TMEM232: variants seen among roughly 807,000 people sequenced by gnomAD.
TMEM232 encodes the protein transmembrane protein 232.
Under a neutral mutation model 78.8 loss-of-function variants are expected in TMEM232, and 80 were observed. That is an observed-to-expected ratio of 1.01 (90% CI 0.85 to 1.22). The LOEUF (loss-of-function observed/expected upper bound fraction) is 1.22, where lower values mean the gene tolerates loss of function less well. TMEM232 is among the 50% of genes most tolerant of loss of function. The probability of loss-of-function intolerance (pLI) is 0.00; values close to 1 mark genes in which losing one functional copy is unlikely to be tolerated. For synonymous variants in TMEM232, 297 were observed against 254.3 expected (o/e 1.17, Z -1.60); for missense variants, 881 against 742.2 (o/e 1.19, Z -2.17).
chr5:110,562,880 C>T (rs550708239), intron 11 of TMEM232, among the ~76,000 whole-genome samples: 1 of 151,948 alleles, frequency 6.6e-6, no homozygotes, highest in Admixed American at 6.6e-5. Context: ...AGGTTAAATA[C>T]TTCATCATTT....
intron 1 of TMEM232, among the ~76,000 whole-genome samples, chr5:110,670,767 C>T (rs754516388): frequency 6.6e-6 from 1 of 152,056 alleles, no homozygotes; most frequent in Non-Finnish European, 1.5e-5. Flanking sequence ...AACAACATCA[C>T]TGGGCATTTC....
At chr5:110,708,448 A>G (rs1200811013) in intron 1 of TMEM232, among the ~76,000 whole-genome samples, 1 of 152,212 alleles carries the variant, frequency 6.6e-6, no homozygotes, top group Non-Finnish European at 1.5e-5. Context: ...TCAGAATATT[A>G]TAGCATTGTA....
At chr5:110,451,912 A>T (rs311732) in intron 12 of TMEM232, among the ~76,000 whole-genome samples, 1 of 152,060 alleles carries the variant, frequency 6.6e-6, no homozygotes. Flanking sequence ...ATAGTTCACC[A>T]ATTTATTTAA....
At chr5:110,475,864 C>T (rs192154434) in intron 12 of TMEM232, among the ~76,000 whole-genome samples, 3 of 151,918 alleles carry the variant, frequency 2.0e-5, no homozygotes, top group African/African-American at 4.8e-5. Context: ...CACACAGGGC[C>T]GGAAAAATCA....
chr5:110,730,800 T>C (rs1798608806), upstream of TMEM232, among the ~76,000 whole-genome samples: 1 of 152,118 alleles, frequency 6.6e-6, no homozygotes, highest in Non-Finnish European at 1.5e-5. Context: ...CAAGTTAAGA[T>C]TTGGGTGGAG....
intron 2 of TMEM232, among the ~76,000 whole-genome samples, chr5:110,660,392 T>A (rs942829767): frequency 6.6e-6 from 1 of 152,054 alleles, no homozygotes; most frequent in East Asian, 1.9e-4. Flanking sequence ...AAACAAAACC[T>A]GGTATTTTTG....
intron 10 of TMEM232, among the ~76,000 whole-genome samples, chr5:110,591,061 T>C (rs1240756796): frequency 6.6e-6 from 1 of 152,160 alleles, no homozygotes; most frequent in African/African-American, 2.4e-5. Flanking sequence ...AGCTAAACCA[T>C]ATCAGGAGTC....
At chr5:110,536,488 G>A (rs1457840170) in intron 11 of TMEM232, among the ~76,000 whole-genome samples, 1 of 152,138 alleles carries the variant, frequency 6.6e-6, no homozygotes, top group Non-Finnish European at 1.5e-5. Flanking sequence ...AATTGGCAGT[G>A]GTACAGGGTG....
chr5:110,543,936 C>T (rs781769176), intron 11 of TMEM232, among the ~76,000 whole-genome samples: 14 of 152,158 alleles, frequency 9.2e-5, no homozygotes, highest in Non-Finnish European at 1.6e-4. Flanking sequence ...TATTAAGAGA[C>T]TTGAATGCCA....
intron 2 of TMEM232, among the ~76,000 whole-genome samples, chr5:110,657,427 C>G (rs912642121): frequency 2.4e-4 from 36 of 150,940 alleles, no homozygotes; most frequent in Non-Finnish European, 4.6e-4. Context: ...ACTATAAAGC[C>G]ATAAAACAGA....
At chr5:110,552,082 G>T (rs1230718404) in intron 11 of TMEM232, among the ~76,000 whole-genome samples, 3 of 152,020 alleles carry the variant, frequency 2.0e-5, no homozygotes, top group Non-Finnish European at 4.4e-5. Context: ...ATATATTTTG[G>T]CTTGTCTAAA....
intron 12 of TMEM232, among the ~76,000 whole-genome samples, chr5:110,476,732 A>T (rs1763296272): frequency 1.3e-5 from 2 of 152,042 alleles, no homozygotes; most frequent in African/African-American, 4.8e-5. Context: ...CATTTCCCAG[A>T]TGTAATTATT....
At chr5:110,414,816 C>A (rs561305615), downstream of TMEM232, among the ~76,000 whole-genome samples, 7 of 152,124 alleles carry the variant, frequency 4.6e-5, no homozygotes, top group Admixed American at 1.3e-4. Context: ...GTCCTTAAAT[C>A]TTCCCAATGT....
chr5:110,405,627 G>C (rs1755760775), intron 2 of TMEM232, among the ~76,000 whole-genome samples: 1 of 150,342 alleles, frequency 6.7e-6, no homozygotes, highest in Non-Finnish European at 1.5e-5. Context: ...TATAATATTT[G>C]AAAATAAAAA....
intron 11 of TMEM232, among the ~76,000 whole-genome samples, chr5:110,536,277 C>T (rs142528017): frequency 7.9e-4 from 120 of 152,276 alleles, no homozygotes; most frequent in African/African-American, 2.9e-3. Flanking sequence ...GGGAACTGAG[C>T]CCTTTGCCTT....
chr5:110,563,395 A>G (rs1775975337), intron 11 of TMEM232, among the ~76,000 whole-genome samples: 3 of 151,926 alleles, frequency 2.0e-5, no homozygotes, highest in Admixed American at 2.0e-4. Flanking sequence ...ATAGAATTAT[A>G]ATTATAGAAA....
intron 10 of TMEM232, among the ~76,000 whole-genome samples, chr5:110,578,716 A>G (rs1390794828): frequency 6.6e-6 from 1 of 151,948 alleles, no homozygotes; most frequent in Non-Finnish European, 1.5e-5. Flanking sequence ...TTCTCGTGAC[A>G]TCGGCAAGAT....
intron 12 of TMEM232, among the ~76,000 whole-genome samples, chr5:110,456,636 C>A (rs1298250313): frequency 6.6e-6 from 1 of 152,022 alleles, no homozygotes; most frequent in Non-Finnish European, 1.5e-5. Flanking sequence ...TAAAGAGCTA[C>A]AAAAAGTCAG....
intron 2 of TMEM232, among the ~76,000 whole-genome samples, chr5:110,652,285 C>A (rs980626432): frequency 7.3e-6 from 1 of 136,804 alleles, no homozygotes; most frequent in African/African-American, 3.0e-5. Context: ...CACAAAAGTG[C>A]ACGCGCGCGC....
Sources: gnomAD v4.1 joint callset for allele counts (sites outside exome capture counted in the v4.1 genomes callset) on GRCh38, gnomAD v4.1.1 for gene constraint, MANE v1.5 for transcripts, NCBI Gene and HGNC (gene_info 2026-07-23, HGNC 2026-07-21) for gene names.